Variants in TMEFF2 observed in about 807,000 individuals in gnomAD.
The protein encoded by TMEFF2 is tomoregulin-2.
In TMEFF2, 28 loss-of-function variants were observed where a neutral mutation model predicts 53.8. That is an observed-to-expected ratio of 0.52 (90% confidence interval 0.39 to 0.71). The LOEUF (loss-of-function observed/expected upper bound fraction) is 0.71, where lower values mean the gene tolerates loss of function less well. Ranked by LOEUF, TMEFF2 falls within the 30% of genes least tolerant of loss-of-function variation. The pLI is 0.00. For synonymous variants in TMEFF2, 162 were observed against 166.3 expected (o/e 0.97, Z 0.20); for missense variants, 353 against 455.2 (o/e 0.78, Z 2.04).
chr2:192,067,739 T>A (rs995622266), intron 4 of TMEFF2, among the ~76,000 whole-genome samples: 14 of 151,910 alleles, frequency 9.2e-5, no homozygotes, highest in African/African-American at 3.4e-4. Flanking sequence ...AAGACTTAAT[T>A]GCCAATTGAG....
At chr2:192,065,692 T>C (rs569099066) in intron 4 of TMEFF2, among the ~76,000 whole-genome samples, 1 of 151,794 alleles carries the variant, frequency 6.6e-6, no homozygotes, top group Non-Finnish European at 1.5e-5. Context: ...TAGCATTTAA[T>C]ATATCTGTTG....
chr2:192,092,542 G>A (rs762596944), intron 4 of TMEFF2, among the ~76,000 whole-genome samples: 1 of 152,058 alleles, frequency 6.6e-6, no homozygotes. Flanking sequence ...TGTATTGAAC[G>A]CTATAGTAGG....
intron 9 of TMEFF2, among the ~76,000 whole-genome samples, chr2:191,951,837 TCCCC>T (rs1691894293): frequency 6.6e-6 from 1 of 152,182 alleles, no homozygotes; most frequent in Non-Finnish European, 1.5e-5. Flanking sequence ...TGCTATGCCT[TCCCC>T]TCAAAAGCCA....
chr2:192,148,532 T>C (rs1690307740), intron 4 of TMEFF2, among the ~76,000 whole-genome samples: 1 of 152,004 alleles, frequency 6.6e-6, no homozygotes, highest in Admixed American at 6.6e-5. Flanking sequence ...TGTGAACTCC[T>C]TGGCCTAAGT....
intron 4 of TMEFF2, among the ~76,000 whole-genome samples, chr2:192,167,482 T>C (rs572912971): frequency 6.6e-6 from 1 of 152,166 alleles, no homozygotes; most frequent in Non-Finnish European, 1.5e-5. Context: ...CATCTTTTTT[T>C]CCCTTACTTA....
At chr2:191,951,851 A>AC (rs1691895106) in intron 9 of TMEFF2, among the ~76,000 whole-genome samples, 1 of 152,228 alleles carries the variant, frequency 6.6e-6, no homozygotes, top group Non-Finnish European at 1.5e-5. Flanking sequence ...CTCAAAAGCC[A>AC]ATAAATTGAG....
At chr2:192,161,458 A>G (rs1690632344) in intron 4 of TMEFF2, among the ~76,000 whole-genome samples, 1 of 152,158 alleles carries the variant, frequency 6.6e-6, no homozygotes, top group Admixed American at 6.6e-5. Flanking sequence ...GGCCTGAAAC[A>G]GCATAGTAGT....
At chr2:191,980,807 T>C (rs1685835992) in intron 7 of TMEFF2, among the ~76,000 whole-genome samples, 1 of 152,130 alleles carries the variant, frequency 6.6e-6, no homozygotes, top group South Asian at 2.1e-4. Context: ...TTTCCCTATC[T>C]ATCTTAGGGA....
intron 8 of TMEFF2, among the ~76,000 whole-genome samples, chr2:191,955,157 AAGAGTGGGAG>A (rs1486227119): frequency 1.8e-4 from 3 of 17,042 alleles, no homozygotes; most frequent in African/African-American, 3.9e-4. Flanking sequence ...GGGAGGGAGG[AAGAGTGGGAG>A]AGAGAGGGAG....
chr2:192,030,993 G>T (rs111469626), intron 5 of TMEFF2, among the ~76,000 whole-genome samples: 1 of 152,174 alleles, frequency 6.6e-6, no homozygotes, highest in East Asian at 1.9e-4. Flanking sequence ...TAGAGTGCAT[G>T]TGGTTGGTGC....
intron 4 of TMEFF2, among the ~76,000 whole-genome samples, chr2:192,133,963 A>G (rs183025304): frequency 1.3e-5 from 2 of 152,146 alleles, no homozygotes; most frequent in Non-Finnish European, 1.5e-5. Context: ...TGGTTAGTGC[A>G]GTCAGAATTC....
At chr2:191,994,496 C>CAT (rs985948590) in intron 7 of TMEFF2, among the ~76,000 whole-genome samples, 4 of 149,376 alleles carry the variant, frequency 2.7e-5, no homozygotes, top group African/African-American at 7.4e-5. Context: ...AGAAAATATA[C>CAT]ATATATATAC....
intron 4 of TMEFF2, among the ~76,000 whole-genome samples, chr2:192,124,136 G>T (rs2105969414): frequency 6.6e-6 from 1 of 152,202 alleles, no homozygotes. Flanking sequence ...AGTGCTGCTG[G>T]GTTACAAATC....
intron 5 of TMEFF2, among the ~76,000 whole-genome samples, chr2:192,028,378 A>G (rs1417281349): frequency 1.3e-5 from 2 of 152,186 alleles, no homozygotes; most frequent in Non-Finnish European, 2.9e-5. Flanking sequence ...TGCCCCAACA[A>G]GATGCCTCTT....
intron 5 of TMEFF2, among the ~76,000 whole-genome samples, chr2:192,000,356 C>T (rs1686326179): frequency 6.6e-6 from 1 of 152,082 alleles, no homozygotes; most frequent in African/African-American, 2.4e-5. Context: ...ATTTAATCCT[C>T]ACAACAGCTG....
intron 4 of TMEFF2, among the ~76,000 whole-genome samples, chr2:192,157,531 T>A (rs1690534977): frequency 6.6e-6 from 1 of 152,076 alleles, no homozygotes; most frequent in African/African-American, 2.4e-5. Context: ...CTTATTTGGA[T>A]ATACGTTTCT....
At chr2:192,041,152 A>G (rs1445364482) in intron 5 of TMEFF2, among the ~76,000 whole-genome samples, 2 of 152,206 alleles carry the variant, frequency 1.3e-5, no homozygotes, top group Non-Finnish European at 2.9e-5. Flanking sequence ...TTCAAAGGAT[A>G]CGGTCAAGAG....
rs1461380372 is a variant in TMEFF2, at chr2:191,995,561, A to G, written c.745+2701T>C. On this transcript the variant is annotated intron_variant, in intron 7 of 9. Coordinates refer to ENST00000272771, the MANE Select transcript of TMEFF2 (RefSeq NM_016192.4). ...ATATGAAATAGTAATTAAGAGGACA[A>G]TGACACATAGACTCTCTATTTGGTT... Among the ~76,000 whole-genome samples, 14 of 152,036 alleles carry G rather than the reference A, an allele frequency of 9.2e-5. 1 individual carries two copies. Among genetic ancestry groups the G allele is most frequent in the Admixed American group, 7.2e-4 (11 of 15,216 alleles).
chr2:191,983,439 C>T (rs1685903441), intron 7 of TMEFF2, among the ~76,000 whole-genome samples: 1 of 148,410 alleles, frequency 6.7e-6, no homozygotes, highest in African/African-American at 2.5e-5. Context: ...ACCTTTGTTA[C>T]TCCAAGGAAT....
Sources: gnomAD v4.1 joint callset for allele counts (sites outside exome capture counted in the v4.1 genomes callset) on GRCh38, gnomAD v4.1.1 for gene constraint, MANE v1.5 for transcripts, NCBI Gene and HGNC (gene_info 2026-07-23, HGNC 2026-07-21) for gene names.